AAK1: variants seen among roughly 807,000 people sequenced by gnomAD.
The protein encoded by AAK1 is AP2-associated protein kinase 1.
In AAK1, 37 loss-of-function variants were observed where a neutral mutation model predicts 116.0. The observed-to-expected ratio is 0.32, with a 90% CI of 0.25 to 0.42. AAK1 has a LOEUF of 0.42. Ranked by LOEUF, AAK1 falls within the 10% of genes least tolerant of loss-of-function variation. The pLI is 1.00. For synonymous variants in AAK1, 458 were observed against 439.9 expected (o/e 1.04, Z -0.51); for missense variants, 919 against 1,170.6 (o/e 0.79, Z 3.14).
At chr2:69,590,981 C>T (rs150239903) in intron 2 of AAK1, among the ~76,000 whole-genome samples, 9 of 152,182 alleles carry the variant, frequency 5.9e-5, no homozygotes, top group African/African-American at 1.4e-4. Context: ...AATGTCAGCT[C>T]GATTGCTAGG....
At chr2:69,639,787 G>A (rs1383627067) in intron 2 of AAK1, among the ~76,000 whole-genome samples, 1 of 152,044 alleles carries the variant, frequency 6.6e-6, no homozygotes, top group Non-Finnish European at 1.5e-5. Context: ...AACTCCTGTG[G>A]TCCTTAAACA....
chr2:69,548,118 G>A (rs1671004395), intron 3 of AAK1, among the ~76,000 whole-genome samples: 1 of 152,172 alleles, frequency 6.6e-6, no homozygotes, highest in Non-Finnish European at 1.5e-5. Flanking sequence ...TAACAGGCTG[G>A]AAGTTTCCTT....
rs1018424670 is a variant in AAK1 at position 69,470,599 on chromosome 2, T to A, written c.*5270A>T. ...ATTCTTGCCAACACAAAATGTTTAA[T>A]TAAGTTGGCCTGGGTATATTAGGGA... On this transcript the variant is annotated 3_prime_UTR_variant, in exon 22 of 22. Coordinates refer to ENST00000409085, the MANE Select transcript of AAK1 (RefSeq NM_014911.5). 43 of 985,312 alleles carry A rather than the reference T, an allele frequency of 4.4e-5. 1 individual carries two copies. Among genetic ancestry groups the A allele is most frequent in the Non-Finnish European group, 5.1e-5 (42 of 829,942 alleles). The allele number at this position is 985,312 out of a possible 1,614,324, so 61.0% of individuals were successfully genotyped here.
At chr2:69,530,826 G>T in intron 6 of AAK1, 120 bp from the exon 7 acceptor site, 1 of 705,824 alleles carries the variant, frequency 1.4e-6, no homozygotes, top group South Asian at 1.8e-5. Flanking sequence ...ATCTGCAGAA[G>T]AGAGTATGAA....
intron 5 of AAK1, among the ~76,000 whole-genome samples, chr2:69,541,886 T>C (rs1250159500): frequency 3.9e-5 from 6 of 152,252 alleles, no homozygotes; most frequent in Admixed American, 2.6e-4. Flanking sequence ...TCTGGCACTG[T>C]CCTTCCTAGT....
At chr2:69,501,736 G>A (rs887497606) in intron 16 of AAK1, among the ~76,000 whole-genome samples, 3 of 152,178 alleles carry the variant, frequency 2.0e-5, no homozygotes, top group African/African-American at 7.2e-5. Context: ...TTGGGAGGCC[G>A]AGGTGGGTGG....
At position 69,507,062 on chromosome 2, in the gene AAK1, C is replaced by G. The variant is rs138831789; in HGVS notation, c.2164+359G>C. On this transcript the variant is annotated intron_variant, in intron 15 of 21. Coordinates refer to ENST00000409085, the MANE Select transcript of AAK1 (RefSeq NM_014911.5). ...GACAAGCAGTGGCAACTTTCTGGGA[C>G]AGTAAACCAACCTAGGATGAGAGAA... Among the ~76,000 whole-genome samples, 4 of 152,184 alleles carry G rather than the reference C, an allele frequency of 2.6e-5. No individual in the cohort carries two copies. In the East Asian group the frequency reaches 7.7e-4, roughly 29 times the overall value.
At chr2:69,596,770 C>G (rs75936116) in intron 2 of AAK1, among the ~76,000 whole-genome samples, 1 of 152,088 alleles carries the variant, frequency 6.6e-6, no homozygotes, top group Non-Finnish European at 1.5e-5. Flanking sequence ...GGAGAAGGAG[C>G]CTGGTGGAGC....
At position 69,470,878 on chromosome 2, in the gene AAK1, A is replaced by G. The variant is rs1674652941; in HGVS notation, c.*4991T>C. On this transcript the variant is annotated 3_prime_UTR_variant, in exon 22 of 22. Coordinates refer to ENST00000409085, the MANE Select transcript of AAK1 (RefSeq NM_014911.5). Reference sequence around the variant, plus strand: ...AAGTGGGTTTTCAGCTCAGGAAAAGAGCAACTTATTTTAAGTTATTTACAT... The same window carrying G: ...AAGTGGGTTTTCAGCTCAGGAAAAGGGCAACTTATTTTAAGTTATTTACAT... The G allele has an allele frequency of 5.1e-6, 5 of 985,776 alleles. No individual in the cohort carries two copies. The highest frequency in any genetic ancestry group is 6.1e-5 in the Admixed American group (1 of 16,266). The allele number at this position is 985,776 out of a possible 1,614,324, so 61.1% of individuals were successfully genotyped here.
At chr2:69,614,548 GAAAACA>G (rs1017540798) in intron 2 of AAK1, among the ~76,000 whole-genome samples, 3 of 152,052 alleles carry the variant, frequency 2.0e-5, no homozygotes, top group Admixed American at 6.6e-5. Context: ...TCCCAACCAG[GAAAACA>G]AAAACAAAAA....
chr2:69,610,807 C>T (rs1369046366), intron 2 of AAK1, among the ~76,000 whole-genome samples: 1 of 152,116 alleles, frequency 6.6e-6, no homozygotes, highest in Non-Finnish European at 1.5e-5. Context: ...AATCAAACAA[C>T]AACGTGATTA....
chr2:69,510,033 C>T (rs1006213769), intron 13 of AAK1, among the ~76,000 whole-genome samples: 15 of 152,106 alleles, frequency 9.9e-5, no homozygotes, highest in African/African-American at 3.6e-4. Flanking sequence ...TGTTACTGCT[C>T]GTTTGTTTTG....
intron 16 of AAK1, chr2:69,499,936 A>T (rs1216482216): frequency 6.6e-6 from 1 of 152,230 alleles, no homozygotes; most frequent in Non-Finnish European, 1.5e-5. Flanking sequence ...ATAAATGAAC[A>T]TGTGTAAATT....
chr2:69,520,684 A>T, intron 11 of AAK1, 150 bp downstream of exon 11: 1 of 943,420 alleles, frequency 1.1e-6, no homozygotes, highest in Non-Finnish European at 1.5e-6. Flanking sequence ...TACAATTTCA[A>T]GGGCAGCTTC....
intron 16 of AAK1, among the ~76,000 whole-genome samples, chr2:69,501,229 C>T (rs1290353982): frequency 1.3e-5 from 2 of 152,026 alleles, no homozygotes; most frequent in Non-Finnish European, 2.9e-5. Flanking sequence ...TCAAATTTCA[C>T]CAAAATATCA....
Position 69,469,454 on chromosome 2 carries a change from T to C in AAK1, c.*6415A>G. 1.0e-6 allele frequency: 1 copy of C among 985,496 alleles called. No homozygotes were observed. Among genetic ancestry groups the C allele is most frequent in the Non-Finnish European group, 1.2e-6 (1 of 829,944 alleles). 61.0% of individuals were successfully genotyped at this position (985,496 alleles called of 1,614,324 possible). On this transcript the variant is annotated 3_prime_UTR_variant, in exon 22 of 22. Coordinates refer to ENST00000409085, the MANE Select transcript of AAK1 (RefSeq NM_014911.5). ...ATGTGTTTTCAGGGTGAACAGTTCCTTTATATGAAGGTAGCATTGTGTCAA... is the reference window on the plus strand; with the variant it reads ...ATGTGTTTTCAGGGTGAACAGTTCCCTTATATGAAGGTAGCATTGTGTCAA...
chr2:69,535,691 C>A (rs1456356053), intron 5 of AAK1, among the ~76,000 whole-genome samples: 1 of 151,872 alleles, frequency 6.6e-6, no homozygotes, highest in Admixed American at 6.6e-5. Flanking sequence ...AAAACAGTAG[C>A]ACAAAGGCCC....
At position 69,475,902 on chromosome 2, in the gene AAK1, A is replaced by T; in HGVS notation, c.2853T>A (p.Ser951=). ...CTATGAGCTGATCCACCAGCAGTAAAGACCTGGCTAGGTTGGGAAGACTGG... is the reference window on the plus strand; with the variant it reads ...CTATGAGCTGATCCACCAGCAGTAATGACCTGGCTAGGTTGGGAAGACTGG... The part of the protein sequence containing the change: ...SESSLPNLAR[S]LLLVDQLIDL The change falls in exon 22 of 22, where the codon TCT becomes TCA. Residue 951 remains serine (S), a synonymous_variant. Transcript: ENST00000409085. The T allele has an allele frequency of 1.2e-6, 2 of 1,612,520 alleles. No homozygotes were observed. Among genetic ancestry groups the T allele is most frequent in the Non-Finnish European group, 1.7e-6 (2 of 1,179,382 alleles).
At chr2:69,594,973 T>C (rs1673202293) in intron 2 of AAK1, 2 of 826,832 alleles carry the variant, frequency 2.4e-6, no homozygotes, top group Non-Finnish European at 4.2e-6. Flanking sequence ...CAGAGAATCC[T>C]TGCCCTTTTT....
Sources: gnomAD v4.1 joint callset for allele counts (sites outside exome capture counted in the v4.1 genomes callset) on GRCh38, gnomAD v4.1.1 for gene constraint, MANE v1.5 for transcripts, NCBI Gene and HGNC (gene_info 2026-07-23, HGNC 2026-07-21) for gene names.